The following FAM111A variants were observed in gnomAD, a reference collection of about 807,000 sequenced individuals.
The protein encoded by FAM111A is FAM111 trypsin like peptidase A, also known as serine protease FAM111A.
In FAM111A, 8 loss-of-function variants were observed where a neutral mutation model predicts 3.3. The ratio of observed to expected loss-of-function variants is 2.39; its 90% CI spans 1.40 to 4.32. The LOEUF (loss-of-function observed/expected upper bound fraction) is 4.32. Ranked by LOEUF, FAM111A falls within the 30% of genes most tolerant of loss-of-function variation. FAM111A has a pLI of 0.00. For missense variants in FAM111A, 683 were observed against 727.6 expected (o/e 0.94, Z 0.71); for synonymous variants, 227 against 243.1 (o/e 0.93, Z 0.62).
intron 4 of FAM111A, chr11:59,148,471 C>T (rs1861220306): frequency 6.1e-6 from 1 of 162,768 alleles, no homozygotes; most frequent in Non-Finnish European, 1.3e-5. Flanking sequence ...ATCTCTGCCA[C>T]ATAGCTCTGG....
rs747211416 is a variant in FAM111A, at chr11:59,148,953, G to A, written c.81G>A (p.Pro27=). The A allele has an allele frequency of 8.7e-6, 14 of 1,605,748 alleles. No homozygotes were observed. The highest frequency in any genetic ancestry group is 2.7e-5 in the African/African-American group (2 of 74,812). The change falls in exon 5 of 6, where the codon CCG becomes CCA. Residue 27 remains proline (P), a splice_region_variant and synonymous_variant. Transcript: ENST00000675163. ...TGAAAATCGAGCACTATTTTTCTCC[G>A]GTATGTCTGTAAATTCTACTTATGT... ...CNMKIEHYFS[P]VSKEQQNNCS... is the part of the protein sequence containing the mutation.
At chr11:59,145,281 GA>G (rs1860707181) in intron 3 of FAM111A, 1 of 152,418 alleles carries the variant, frequency 6.6e-6, no homozygotes, top group African/African-American at 2.4e-5. Context: ...GAGAGGCAGA[GA>G]GGGGGAAGGA....
At chr11:59,143,441 C>G (rs1161605895) in intron 2 of FAM111A, 56 bp from the exon 3 acceptor site, 1 of 152,200 alleles carries the variant, frequency 6.6e-6, no homozygotes, top group Non-Finnish European at 1.5e-5. Context: ...CACTGACGCT[C>G]TCCCTGGAAA....
chr11:59,151,498 A>G (rs1861653648), intron 5 of FAM111A, among the ~76,000 whole-genome samples: 1 of 152,048 alleles, frequency 6.6e-6, no homozygotes, highest in Admixed American at 6.5e-5. Context: ...CTGGGAAAAA[A>G]TTTTTTCTTC....
chr11:59,151,657 C>G, intron 5 of FAM111A, 93 bp from the exon 6 acceptor site: 3 of 929,736 alleles, frequency 3.2e-6, no homozygotes, highest in East Asian at 2.4e-5. Context: ...TTCTCAGTTT[C>G]TCATAGGAAT....
chr11:59,145,641 T>C (rs1860759904), intron 3 of FAM111A, 186 bp from the exon 4 acceptor site: 1 of 152,230 alleles, frequency 6.6e-6, no homozygotes, highest in South Asian at 2.1e-4. Flanking sequence ...TTCCTTTTTT[T>C]GTCTGTGTCT....
intron 5 of FAM111A, among the ~76,000 whole-genome samples, chr11:59,150,836 G>A (rs576683674): frequency 1.3e-5 from 2 of 152,316 alleles, no homozygotes; most frequent in African/African-American, 4.8e-5. Flanking sequence ...GATAAGTCAT[G>A]TTTGTTCCTC....
At position 59,152,062 on chromosome 11, in the gene FAM111A, G is replaced by A; in HGVS notation, c.394G>A (p.Glu132Lys). ...QGQEMLVRGT[E>K]GIKEYINLGM... ...CCAAGAAATGCTTGTGCGTGGCACA[G>A]AAGGAATCAAAGAGTACATAAACCT... The change falls in exon 6 of 6, where the codon GAA (glutamate) becomes AAA (lysine). Residue 132 changes from glutamate to lysine, a missense_variant. Physicochemically the swap from Glu to Lys is moderately conservative, Grantham distance 56. Around this residue, in one of 3 missense-constraint regions of FAM111A, gnomAD observed 557 missense variants for 600.2 expected, o/e 0.93. Transcript: ENST00000675163. 6.2e-7 allele frequency: 1 copy of A among 1,614,234 alleles called. No individual in the cohort carries two copies. The highest frequency in any genetic ancestry group is 8.5e-7 in the Non-Finnish European group (1 of 1,180,036).
chr11:59,143,716 A>C (rs946540990), intron 3 of FAM111A, 21 bp downstream of exon 3: 2 of 152,220 alleles, frequency 1.3e-5, no homozygotes, highest in African/African-American at 2.4e-5. Flanking sequence ...TATTGTGAGA[A>C]CTGAAGCCAT....
Position 59,150,416 on chromosome 11 carries a change from A to G in FAM111A, c.82-1334A>G, listed in dbSNP as rs548356170. ...CAATGATGCTACACTTAATCTTTAC[A>G]ATATTCCTAGCATTGTTATTCCCAG... On this transcript the variant is annotated intron_variant, in intron 5 of 5. Coordinates refer to ENST00000675163, the MANE Select transcript of FAM111A (RefSeq NM_001312909.2). Among the ~76,000 whole-genome samples, 7 of 152,334 alleles carry G rather than the reference A, an allele frequency of 4.6e-5. No homozygotes were observed. In the South Asian group the frequency reaches 1.4e-3, roughly 32 times the overall value.
Position 59,152,054 on chromosome 11 carries a change from G to T in FAM111A, c.386G>T (p.Arg129Leu), listed in dbSNP as rs150761330. ...CACCAAGGCCAAGAAATGCTTGTGCGTGGCACAGAAGGAATCAAAGAGTAC... is the reference window on the plus strand; with the variant it reads ...CACCAAGGCCAAGAAATGCTTGTGCTTGGCACAGAAGGAATCAAAGAGTAC... The part of the protein sequence containing the change: ...ETHQGQEMLV[R>L]GTEGIKEYIN... Residue 129 changes from arginine to leucine, a missense_variant, in exon 6 of 6, where the codon CGT (arginine) becomes CTT (leucine). This residue lies in a region of FAM111A where 557 missense variants were observed against 600.2 expected (regional missense o/e 0.93). Transcript: ENST00000675163. The T allele has an allele frequency of 6.2e-7, 1 of 1,614,196 alleles. No individual in the cohort carries two copies. The highest frequency in any genetic ancestry group is 1.1e-5 in the South Asian group (1 of 91,086).
chr11:59,153,678 A>T lies in FAM111A; in HGVS notation c.*174A>T. 1.8e-6 allele frequency: 1 copy of T among 558,130 alleles called. No homozygotes were observed. The allele number at this position is 558,130 out of a possible 1,614,324, so 34.6% of individuals were successfully genotyped here. A position where few individuals can be genotyped will look rare whatever the true frequency, so the allele number is the denominator to read the frequency against. On this transcript the variant is annotated 3_prime_UTR_variant, in exon 6 of 6. Coordinates refer to ENST00000675163, the MANE Select transcript of FAM111A (RefSeq NM_001312909.2). ...TGAAGAAATTAGTCCTAACAACACT[A>T]TGAGATGGACTATAACTTGCCCAAA...
Position 59,151,961 on chromosome 11 carries a change from A to G in FAM111A, c.293A>G (p.His98Arg). ...RNQDMKLKLT[H>R]SENSSLYMAL... ...CAAGATATGAAACTTAAGCTCACACATAGTGAGAATAGTAGCTTATATATG... is the reference window on the plus strand; with the variant it reads ...CAAGATATGAAACTTAAGCTCACACGTAGTGAGAATAGTAGCTTATATATG... The change falls in exon 6 of 6, where the codon CAT becomes CGT. Residue 98 changes from histidine to arginine, a missense_variant. By Grantham distance (29) the His-to-Arg change is conservative. This residue lies in a region of FAM111A where 557 missense variants were observed against 600.2 expected (regional missense o/e 0.93). Coordinates refer to ENST00000675163, the MANE Select transcript of FAM111A (RefSeq NM_001312909.2). The G allele has an allele frequency of 1.2e-6, 2 of 1,614,146 alleles. No homozygotes were observed. The highest frequency in any genetic ancestry group is 2.7e-5 in the African/African-American group (2 of 75,030).
Position 59,153,672 on chromosome 11 carries a change from A to G in FAM111A, c.*168A>G, listed in dbSNP as rs1307357529. On this transcript the variant is annotated 3_prime_UTR_variant, in exon 6 of 6. Transcript: ENST00000675163. ...AGCACATGAAGAAATTAGTCCTAAC[A>G]ACACTATGAGATGGACTATAACTTG... 1 of 590,622 alleles carries G rather than the reference A, an allele frequency of 1.7e-6. No individual in the cohort carries two copies. Among genetic ancestry groups the G allele is most frequent in the Non-Finnish European group, 2.9e-6 (1 of 346,272 alleles). 36.6% of individuals were successfully genotyped at this position (590,622 alleles called of 1,614,324 possible).
rs1351941749 is a variant in FAM111A at position 59,152,098 on chromosome 11, C to T, written c.430C>T (p.Leu144Phe). ...AGAGTACATAAACCTTGGAATGCCC[C>T]TCAGTTGTTTCCCTGAAGGTGGCCA... ...IKEYINLGMP[L>F]SCFPEGGQVV... Residue 144 changes from leucine to phenylalanine, a missense_variant, in exon 6 of 6, where the codon CTC becomes TTC. By Grantham distance (22) the Leu-to-Phe change is conservative. Transcript: ENST00000675163. 2 of 1,614,020 alleles carry T rather than the reference C, an allele frequency of 1.2e-6. No individual in the cohort carries two copies. The highest frequency in any genetic ancestry group is 1.7e-6 in the Non-Finnish European group (2 of 1,180,038).
chr11:59,153,120 T>G lies in FAM111A; in HGVS notation c.1452T>G (p.Ala484=). 6.2e-7 allele frequency: 1 copy of G among 1,614,212 alleles called. No individual in the cohort carries two copies. The highest frequency in any genetic ancestry group is 1.6e-4 in the Middle Eastern group (1 of 6,062). The part of the protein sequence containing the change: ...HPYGEKKQID[A]CAVIPQGQRA... ...ATGGAGAAAAAAAGCAGATTGATGC[T>G]TGTGCTGTGATCCCTCAGGGTCAGC... The change falls in exon 6 of 6, where the codon GCT becomes GCG. Residue 484 remains alanine (A), a synonymous_variant. Coordinates refer to ENST00000675163, the MANE Select transcript of FAM111A (RefSeq NM_001312909.2).
chr11:59,147,557 A>G (rs1346194218), intron 4 of FAM111A, among the ~76,000 whole-genome samples: 1 of 152,220 alleles, frequency 6.6e-6, no homozygotes, highest in Non-Finnish European at 1.5e-5. Flanking sequence ...TCCCAGAGCT[A>G]GTTTTTAAAA....
At chr11:59,148,087 C>T (rs1277884254) in intron 4 of FAM111A, among the ~76,000 whole-genome samples, 1 of 152,186 alleles carries the variant, frequency 6.6e-6, no homozygotes. Context: ...GGCTGCTGCC[C>T]TCAATGGTAT....
In FAM111A at chr11:59,153,321, A is replaced by T. The variant is rs199852129; in HGVS notation, c.1653A>T (p.Ser551=). ...SGSPVFDSKG[S]LVAMHAAGFA... Reference sequence around the variant, plus strand: ...CCCCTGTGTTTGATTCAAAAGGTTCATTGGTGGCCATGCATGCTGCTGGCT... The same window carrying T: ...CCCCTGTGTTTGATTCAAAAGGTTCTTTGGTGGCCATGCATGCTGCTGGCT... Residue 551 remains serine, a synonymous_variant, in exon 6 of 6, where the codon TCA becomes TCT. Coordinates refer to ENST00000675163, the MANE Select transcript of FAM111A (RefSeq NM_001312909.2). The T allele has an allele frequency of 1.2e-6, 2 of 1,614,192 alleles. No individual in the cohort carries two copies. Among genetic ancestry groups the T allele is most frequent in the Non-Finnish European group, 1.7e-6 (2 of 1,180,032 alleles).
Sources: gnomAD v4.1 joint callset for allele counts (sites outside exome capture counted in the v4.1 genomes callset) on GRCh38, gnomAD v4.1.1 for gene constraint, gnomAD v4.1.1 regional missense constraint, MANE v1.5 for transcripts, NCBI Gene and HGNC (gene_info 2026-07-23, HGNC 2026-07-21) for gene names.